PPARD: variants seen among roughly 807,000 people sequenced by gnomAD.
PPARD encodes peroxisome proliferator-activated receptor delta.
PPARD carries 6 observed loss-of-function variants against 39.5 expected under a neutral mutation model. That is an observed-to-expected ratio of 0.15 (90% CI 0.08 to 0.30). The LOEUF (loss-of-function observed/expected upper bound fraction) is 0.30. Ranked by LOEUF, PPARD falls within the 10% of genes least tolerant of loss-of-function variation. The pLI is 1.00. For missense variants in PPARD, 397 were observed against 596.8 expected, an observed-to-expected ratio of 0.67 and a Z score of 3.49; for synonymous variants, 210 against 231.3, an observed-to-expected ratio of 0.91 and a Z score of 0.83.
Position 35,425,794 on chromosome 6 carries a change from C to T in PPARD, c.1079-38C>T. The T allele has an allele frequency of 1.2e-6, 2 of 1,606,710 alleles. No homozygotes were observed. The highest frequency in any genetic ancestry group is 2.2e-5 in the South Asian group (2 of 90,560). ...GGGTGGAAGTAGGGGAGCTCCACTG[C>T]CTTTCTGAGCTCCCTGGCGTGCCCT... is the stretch of plus-strand genomic sequence containing the variant. On this transcript the variant is annotated intron_variant, in intron 7 of 7. Transcript: ENST00000360694. This position sits in a 1 kb window ranked among gnomAD's most constrained non-coding sequence, Gnocchi z 4.5.
chr6:35,352,321 C>T (rs1197856346), intron 2 of PPARD, among the ~76,000 whole-genome samples: 1 of 151,996 alleles, frequency 6.6e-6, no homozygotes, highest in Non-Finnish European at 1.5e-5. Flanking sequence ...GTAGCTGGGA[C>T]CACAGGCGCG....
rs540665124 is a variant in PPARD, at chr6:35,418,431, G to A, written c.131-1696G>A. Reference sequence around the variant, plus strand: ...CCAGGCAGCCTGAGGACTGCCAGATGTGCAGAGAGCTATCGCGTGCCTGCT... The same window carrying A: ...CCAGGCAGCCTGAGGACTGCCAGATATGCAGAGAGCTATCGCGTGCCTGCT... On this transcript the variant is annotated intron_variant, in intron 3 of 7. Coordinates refer to ENST00000360694, the MANE Select transcript of PPARD (RefSeq NM_006238.5). Among the ~76,000 whole-genome samples the A allele has an allele frequency of 2.5e-3, 377 of 152,366 alleles. 2 individuals are homozygous for A. The highest frequency in any genetic ancestry group is 8.4e-3 in the African/African-American group (350 of 41,590).
chr6:35,343,096 C>T (rs1007641164), intron 1 of PPARD, among the ~76,000 whole-genome samples: 1 of 151,938 alleles, frequency 6.6e-6, no homozygotes, highest in Non-Finnish European at 1.5e-5. Context: ...TTCTGGTGTT[C>T]CTGAATCCAC....
At position 35,363,855 on chromosome 6, in the gene PPARD, A is replaced by C. The variant is rs982629011; in HGVS notation, c.-102+16705A>C. Among the ~76,000 whole-genome samples, 4 of 151,920 alleles carry C rather than the reference A, an allele frequency of 2.6e-5. No individual in the cohort carries two copies. Among genetic ancestry groups the C allele is most frequent in the Non-Finnish European group, 2.9e-5 (2 of 67,992 alleles). ...ATAAAATTAAGATATAGTTCACATA[A>C]CCAAATTCACCACTTTAAAGTGTGT... On this transcript the variant is annotated intron_variant, in intron 2 of 7. Transcript: ENST00000360694. The surrounding 1 kb of genome is among the most constrained non-coding windows in gnomAD (Gnocchi z 4.5).
chr6:35,407,275 G>A (rs1005705773), intron 2 of PPARD, among the ~76,000 whole-genome samples: 28 of 152,030 alleles, frequency 1.8e-4, no homozygotes, highest in Middle Eastern at 3.2e-3. Flanking sequence ...GCATTGCCCC[G>A]TGTCCACTGA....
intron 2 of PPARD, among the ~76,000 whole-genome samples, chr6:35,400,108 C>A (rs894514378): frequency 2.0e-5 from 3 of 152,166 alleles, no homozygotes; most frequent in Non-Finnish European, 4.4e-5. Flanking sequence ...TTCCATGTCT[C>A]CTCTCTCCCT....
In PPARD at chr6:35,426,141, A is replaced by G. The variant is rs199596386; in HGVS notation, c.*62A>G. The stretch of plus-strand genomic sequence containing the variant: ...GCCAGCACTGGAGGGGCCCACCCAC[A>G]TGACTTTTCCATTGACCAGCCCTTG... On this transcript the variant is annotated 3_prime_UTR_variant, in exon 8 of 8. Coordinates refer to ENST00000360694, the MANE Select transcript of PPARD (RefSeq NM_006238.5). The G allele has an allele frequency of 5.7e-5, 90 of 1,568,952 alleles. No homozygotes were observed. In the African/African-American group the frequency reaches 1.1e-3, roughly 19 times the overall value.
chr6:35,377,942 C>T (rs1279105697), intron 2 of PPARD, among the ~76,000 whole-genome samples: 5 of 148,194 alleles, frequency 3.4e-5, no homozygotes, highest in Non-Finnish European at 7.4e-5. Flanking sequence ...TGGCTCACGG[C>T]AACCTCTGCC....
At chr6:35,397,402 C>A (rs1764405064) in intron 2 of PPARD, 2 of 359,584 alleles carry the variant, frequency 5.6e-6, no homozygotes, top group Non-Finnish European at 3.9e-6. Context: ...AGCAAAAGAA[C>A]TAGCCAGACG....
chr6:35,408,359 A>T (rs1445853654), intron 2 of PPARD, among the ~76,000 whole-genome samples: 1 of 152,224 alleles, frequency 6.6e-6, no homozygotes, highest in Non-Finnish European at 1.5e-5. Flanking sequence ...TTGCTGATCC[A>T]GAGAAGACTG....
intron 2 of PPARD, among the ~76,000 whole-genome samples, chr6:35,376,325 A>G (rs1031871985): frequency 2.6e-5 from 4 of 152,184 alleles, no homozygotes; most frequent in African/African-American, 9.7e-5. Context: ...GCATTTTACC[A>G]CCAAAGTCTC....
intron 2 of PPARD, among the ~76,000 whole-genome samples, chr6:35,369,795 C>T (rs1175728754): frequency 2.0e-5 from 3 of 152,290 alleles, no homozygotes; most frequent in Non-Finnish European, 4.4e-5. Context: ...TCTCTGCACT[C>T]AGAAATTATT....
intron 2 of PPARD, among the ~76,000 whole-genome samples, chr6:35,407,196 G>A (rs1041015094): frequency 6.6e-6 from 1 of 152,168 alleles, no homozygotes; most frequent in Admixed American, 6.5e-5. Context: ...CTCTGTTACT[G>A]CCTGCTAAGC....
chr6:35,350,632 T>C (rs78205587), intron 2 of PPARD, among the ~76,000 whole-genome samples: 14 of 133,546 alleles, frequency 1.0e-4, no homozygotes, highest in Non-Finnish European at 2.2e-4. Flanking sequence ...TTTTTTTTTT[T>C]TTCTCTGAGA....
chr6:35,397,657 T>A, intron 2 of PPARD: 1 of 656,996 alleles, frequency 1.5e-6, no homozygotes, highest in South Asian at 6.8e-5. Context: ...TTGAGGGTTA[T>A]GTGAATCTAA....
intron 2 of PPARD, among the ~76,000 whole-genome samples, chr6:35,400,927 G>A (rs1764660219): frequency 6.6e-6 from 1 of 152,204 alleles, no homozygotes; most frequent in Admixed American, 6.5e-5. Context: ...GATGTGTGAG[G>A]GGCTTGGGTG....
Position 35,428,122 on chromosome 6 carries a change from T to C in PPARD, c.*2043T>C, listed in dbSNP as rs1239472347. On this transcript the variant is annotated 3_prime_UTR_variant, in exon 8 of 8. Transcript: ENST00000360694. Reference sequence around the variant, plus strand: ...GAGCCCCAGCTTCCTGTGTTTTTAATATAAATAGTGTACACAGACTGACGA... The same window carrying C: ...GAGCCCCAGCTTCCTGTGTTTTTAACATAAATAGTGTACACAGACTGACGA... 6.5e-6 allele frequency: 1 copy of C among 152,678 alleles called. No homozygotes were observed. The highest frequency in any genetic ancestry group is 1.5e-5 in the Non-Finnish European group (1 of 68,056). 9.5% of individuals were successfully genotyped at this position (152,678 alleles called of 1,614,324 possible). A position where few individuals can be genotyped will look rare whatever the true frequency, so the allele number is the denominator to read the frequency against.
intron 2 of PPARD, among the ~76,000 whole-genome samples, chr6:35,374,817 C>G (rs1335473864): frequency 3.3e-5 from 5 of 152,156 alleles, no homozygotes; most frequent in African/African-American, 9.7e-5. Flanking sequence ...CAGACTTGCT[C>G]TTCTTCCCAC....
In PPARD at chr6:35,424,206, C is replaced by G. The variant is rs1766415223; in HGVS notation, c.627+58C>G. 6.2e-7 allele frequency: 1 copy of G among 1,601,620 alleles called. No individual in the cohort carries two copies. ...CCTGGGCTCTGGGTCCCACTGCCGCCTGCCTGACTCCGGGAGAGCCAGGCC... is the reference window on the plus strand; with the variant it reads ...CCTGGGCTCTGGGTCCCACTGCCGCGTGCCTGACTCCGGGAGAGCCAGGCC... On this transcript the variant is annotated intron_variant, in intron 6 of 7. Coordinates refer to ENST00000360694, the MANE Select transcript of PPARD (RefSeq NM_006238.5). The surrounding 1 kb of genome is among the most constrained non-coding windows in gnomAD (Gnocchi z 7.1).
Sources: allele counts gnomAD v4.1 joint callset (sites outside exome capture counted in the v4.1 genomes callset), GRCh38; gene constraint gnomAD v4.1.1; non-coding constraint Gnocchi (gnomAD v3.1); transcripts MANE v1.5; gene names NCBI Gene and HGNC (gene_info 2026-07-23, HGNC 2026-07-21).